NAT8L: variants seen among roughly 807,000 people sequenced by gnomAD.
The protein encoded by NAT8L is aspartate N-acetyltransferase, also known as N-acetylaspartate synthetase.
In NAT8L, 6 loss-of-function variants were observed where a neutral mutation model predicts 21.2. The ratio of observed to expected loss-of-function variants is 0.28; its 90% confidence interval spans 0.16 to 0.56. NAT8L has a LOEUF of 0.56. Among genes scored for constraint, NAT8L ranks in the 20% least tolerant of loss-of-function variants. The pLI is 0.93. For synonymous variants in NAT8L, 239 were observed against 204.9 expected (o/e 1.17, Z -1.42); for missense variants, 331 against 433.3 (o/e 0.76, Z 2.10).
In NAT8L at chr4:2,060,785, C is replaced by T. The variant is rs1332269134; in HGVS notation, c.377-213C>T. ...CGTGTTTGGAAGCTCAGAGACCCGC[C>T]GAGGCTCATTCCAGGCGGTGGGGGT... On this transcript the variant is annotated intron_variant, in intron 1 of 2. Coordinates refer to ENST00000423729, the MANE Select transcript of NAT8L (RefSeq NM_178557.4). The surrounding 1 kb of genome is among the most constrained non-coding windows in gnomAD (Gnocchi z 4.7). Among the ~76,000 whole-genome samples, 1 of 152,072 alleles carries T rather than the reference C, an allele frequency of 6.6e-6. No homozygotes were observed. The highest frequency in any genetic ancestry group is 1.5e-5 in the Non-Finnish European group (1 of 67,992).
rs1446464964 is a variant in NAT8L at position 2,065,665 on chromosome 4, T to G, written c.*1538T>G. The G allele has an allele frequency of 6.6e-6, 1 of 152,322 alleles. No individual in the cohort carries two copies. Among genetic ancestry groups the G allele is most frequent in the Non-Finnish European group, 1.5e-5 (1 of 68,102 alleles). 9.4% of individuals were successfully genotyped at this position (152,322 alleles called of 1,614,324 possible). On this transcript the variant is annotated 3_prime_UTR_variant, in exon 3 of 3. Coordinates refer to ENST00000423729, the MANE Select transcript of NAT8L (RefSeq NM_178557.4). ...GGAGGGATGCTTCTCACGAGGCGCT[T>G]CAGAAGCGAGCGAAGGGACAGAGAA...
Position 2,061,170 on chromosome 4 carries a change from C to T in NAT8L, c.541+8C>T, listed in dbSNP as rs200888256. On this transcript the variant is annotated splice_region_variant and intron_variant, in intron 2 of 2. Coordinates refer to ENST00000423729, the MANE Select transcript of NAT8L (RefSeq NM_178557.4). ...ACTACATGAAGCCGCCCGGTGAGTCCCGCTCCCGCCGCTCCCCGACCTCCG... is the reference window on the plus strand; with the variant it reads ...ACTACATGAAGCCGCCCGGTGAGTCTCGCTCCCGCCGCTCCCCGACCTCCG... 4.4e-4 allele frequency: 704 copies of T among 1,601,186 alleles called. 1 individual carries two copies. The African/African-American group carries it at 6.9e-3, about 16-fold the overall frequency.
chr4:2,061,643 A>G (rs985075214), intron 2 of NAT8L, among the ~76,000 whole-genome samples: 1 of 151,206 alleles, frequency 6.6e-6, no homozygotes, highest in Admixed American at 6.6e-5. Context: ...TGGGCCGCTT[A>G]GCTGAAGGGT....
Position 2,063,813 on chromosome 4 carries a change from G to A in NAT8L, c.595G>A (p.Ala199Thr). 1 of 1,612,286 alleles carries A rather than the reference G, an allele frequency of 6.2e-7. No individual in the cohort carries two copies. The highest frequency in any genetic ancestry group is 8.5e-7 in the Non-Finnish European group (1 of 1,179,968). ...TGGCAACGTGGTGGGCATTGTGGCTGCACGGGCCCACGAGGAGGACAACAC... is the reference window on the plus strand; with the variant it reads ...TGGCAACGTGGTGGGCATTGTGGCTACACGGGCCCACGAGGAGGACAACAC... Reference protein sequence around the residue: ...LDGNVVGIVAARAHEEDNTVE... With the variant: ...LDGNVVGIVATRAHEEDNTVE... The change falls in exon 3 of 3, where the codon GCA (alanine) becomes ACA (threonine). Residue 199 changes from alanine (A) to threonine (T), a missense_variant. Ala to Thr is a moderately conservative substitution (Grantham distance 58). Around this residue, in one of 2 missense-constraint regions of NAT8L, gnomAD observed 132 missense variants for 237.1 expected, o/e 0.56. Coordinates refer to ENST00000423729, the MANE Select transcript of NAT8L (RefSeq NM_178557.4).
rs1375347894 is a variant in NAT8L, at chr4:2,065,523, G to T, written c.*1396G>T. 1.3e-5 allele frequency: 2 copies of T among 152,256 alleles called. No homozygotes were observed. The highest frequency in any genetic ancestry group is 2.9e-5 in the Non-Finnish European group (2 of 68,094). The allele number at this position is 152,256 out of a possible 1,614,324, so 9.4% of individuals were successfully genotyped here. ...AGAAGTGGACCTGGCTTTGGTGGCAGGAGAAGAATAAACACTTGCCCAGAC... is the reference window on the plus strand; with the variant it reads ...AGAAGTGGACCTGGCTTTGGTGGCATGAGAAGAATAAACACTTGCCCAGAC... On this transcript the variant is annotated 3_prime_UTR_variant, in exon 3 of 3. Coordinates refer to ENST00000423729, the MANE Select transcript of NAT8L (RefSeq NM_178557.4).
chr4:2,067,148 C>G lies in NAT8L; in HGVS notation c.*3021C>G, dbSNP rs974689867. The G allele has an allele frequency of 6.6e-6, 1 of 152,360 alleles. No homozygotes were observed. The highest frequency in any genetic ancestry group is 2.4e-5 in the African/African-American group (1 of 41,456). The allele number at this position is 152,360 out of a possible 1,614,324, so 9.4% of individuals were successfully genotyped here. On this transcript the variant is annotated 3_prime_UTR_variant, in exon 3 of 3. Transcript: ENST00000423729. ...GTGCTGAAGCTGCCATGTGGTCTGG[C>G]CCCCAGAAGGGCTCCTGAGCGTAGG...
At chr4:2,062,021 T>G (rs1465087735) in intron 2 of NAT8L, among the ~76,000 whole-genome samples, 1 of 151,992 alleles carries the variant, frequency 6.6e-6, no homozygotes, top group Non-Finnish European at 1.5e-5. Flanking sequence ...AAACAGAGCA[T>G]CTGAGCAGCC....
rs957892590 is a variant in NAT8L, at chr4:2,064,529, C to T, written c.*402C>T. The T allele has an allele frequency of 6.4e-6, 1 of 155,524 alleles. No individual in the cohort carries two copies. The allele number at this position is 155,524 out of a possible 1,614,324, so 9.6% of individuals were successfully genotyped here. The stretch of plus-strand genomic sequence containing the variant: ...GGCCCCGCCTGCGGCCCCAGCGCCA[C>T]TGCCTGTGGAGGCCCCAGCTGGCCA... On this transcript the variant is annotated 3_prime_UTR_variant, in exon 3 of 3. Transcript: ENST00000423729.
intron 2 of NAT8L, among the ~76,000 whole-genome samples, chr4:2,062,745 G>A (rs532447784): frequency 9.7e-4 from 147 of 152,272 alleles, no homozygotes; most frequent in African/African-American, 3.4e-3. Context: ...GCTGTGCAGA[G>A]GGGCAATGGG....
Position 2,059,804 on chromosome 4 carries a change from G to A in NAT8L, c.293G>A (p.Gly98Asp). 7.2e-7 allele frequency: 1 copy of A among 1,390,974 alleles called. No homozygotes were observed. Among genetic ancestry groups the A allele is most frequent in the Non-Finnish European group, 9.4e-7 (1 of 1,063,162 alleles). 86.2% of individuals were successfully genotyped at this position (1,390,974 alleles called of 1,614,324 possible). ...QEAARRIFYDGIMERIPNTAF... is the reference protein window; with the variant it reads ...QEAARRIFYDDIMERIPNTAF... ...GCGGCGCGCCGCATCTTCTACGACG[G>A]CATCATGGAGCGCATCCCTAACACG... is the stretch of plus-strand genomic sequence containing the variant. The change falls in exon 1 of 3, where the codon GGC becomes GAC. Residue 98 changes from glycine to aspartate, a missense_variant. By Grantham distance (94) the Gly-to-Asp change is moderately conservative. Coordinates refer to ENST00000423729, the MANE Select transcript of NAT8L (RefSeq NM_178557.4). The surrounding 1 kb of genome is among the most constrained non-coding windows in gnomAD (Gnocchi z 4.8).
chr4:2,061,785 C>T (rs1189628207), intron 2 of NAT8L, among the ~76,000 whole-genome samples: 2 of 152,156 alleles, frequency 1.3e-5, no homozygotes, highest in Admixed American at 1.3e-4. Flanking sequence ...TGCCGGATGC[C>T]GCAGGGGTGA....
Position 2,068,613 on chromosome 4 carries a change from T to C in NAT8L, c.*4486T>C, listed in dbSNP as rs1473057019. 1 of 152,056 alleles carries C rather than the reference T, an allele frequency of 6.6e-6. No individual in the cohort carries two copies. The highest frequency in any genetic ancestry group is 1.5e-5 in the Non-Finnish European group (1 of 67,994). 9.4% of individuals were successfully genotyped at this position (152,056 alleles called of 1,614,324 possible). A position where few individuals can be genotyped will look rare whatever the true frequency, so the allele number is the denominator to read the frequency against. On this transcript the variant is annotated 3_prime_UTR_variant, in exon 3 of 3. Transcript: ENST00000423729. ...GCATATGTGAGCTGTACATGTAGAG[T>C]GTACATGTGTGTTGCATGAGCATGC...
Position 2,060,925 on chromosome 4 carries a change from G to A in NAT8L, c.377-73G>A. The stretch of plus-strand genomic sequence containing the variant: ...GCGGCCGGGCGCGGCGTCCCTAGCG[G>A]GCTTCGCCGGGGTGGCGTCTCTGGG... On this transcript the variant is annotated intron_variant, in intron 1 of 2. Transcript: ENST00000423729. The surrounding 1 kb of genome is among the most constrained non-coding windows in gnomAD (Gnocchi z 4.7). The A allele has an allele frequency of 1.3e-6, 1 of 793,406 alleles. No individual in the cohort carries two copies. The highest frequency in any genetic ancestry group is 1.9e-6 in the Non-Finnish European group (1 of 528,380). 49.1% of individuals were successfully genotyped at this position (793,406 alleles called of 1,614,324 possible). A position where few individuals can be genotyped will look rare whatever the true frequency, so the allele number is the denominator to read the frequency against.
At position 2,059,683 on chromosome 4, in the gene NAT8L, G is replaced by GC; in HGVS notation, c.176dup (p.Val60GlyfsTer46). The GC allele has an allele frequency of 9.8e-7, 1 of 1,019,070 alleles. No individual in the cohort carries two copies. Among genetic ancestry groups the GC allele is most frequent in the Non-Finnish European group, 1.2e-6 (1 of 852,846 alleles). 63.1% of individuals were successfully genotyped at this position (1,019,070 alleles called of 1,614,324 possible). ...CGCCGCGCCCCCCGCGCCCCCACCTGCCCCGGTGGCTCAGCCTCACGGCGG... is the reference window on the plus strand; with the variant it reads ...CGCCGCGCCCCCCGCGCCCCCACCTGCCCCCGGTGGCTCAGCCTCACGGCGG... On this transcript the variant is annotated frameshift_variant, in exon 1 of 3. Transcript: ENST00000423729. LOFTEE classifies it high-confidence loss of function. The surrounding 1 kb of genome is among the most constrained non-coding windows in gnomAD (Gnocchi z 4.8).
intron 2 of NAT8L, among the ~76,000 whole-genome samples, chr4:2,063,222 C>T (rs554482021): frequency 1.2e-4 from 18 of 152,398 alleles, no homozygotes; most frequent in Non-Finnish European, 1.8e-4. Flanking sequence ...CTGCCCTTTG[C>T]GGCCCTCTGC....
Position 2,066,462 on chromosome 4 carries a change from TG to T in NAT8L, c.*2336del, listed in dbSNP as rs1409471393. ...CTGGGGCGGAGCTGCCCGGAACCCT[TG>T]CCAGGCCAATGTGTAGCTTGGTGGC... On this transcript the variant is annotated 3_prime_UTR_variant, in exon 3 of 3. Coordinates refer to ENST00000423729, the MANE Select transcript of NAT8L (RefSeq NM_178557.4). 6.6e-6 allele frequency: 1 copy of T among 152,162 alleles called. No individual in the cohort carries two copies. The highest frequency in any genetic ancestry group is 1.5e-5 in the Non-Finnish European group (1 of 68,072). 9.4% of individuals were successfully genotyped at this position (152,162 alleles called of 1,614,324 possible).
In NAT8L at chr4:2,063,908, G is replaced by C. The variant is rs754982035; in HGVS notation, c.690G>C (p.Arg230=). 6.2e-7 allele frequency: 1 copy of C among 1,612,338 alleles called. No individual in the cohort carries two copies. The highest frequency in any genetic ancestry group is 8.5e-7 in the Non-Finnish European group (1 of 1,179,938). Residue 230 remains arginine (R), a synonymous_variant, in exon 3 of 3, where the codon CGG becomes CGC. Transcript: ENST00000423729. ...RGKGIAKALG[R]KVLEFAVVHN... ...AGGGCATCGCCAAGGCGCTGGGCCG[G>C]AAGGTGCTGGAGTTCGCCGTGGTGC...
chr4:2,064,252 A>T lies in NAT8L; in HGVS notation c.*125A>T. Reference sequence around the variant, plus strand: ...TTGTGTTGGGTTTCCCCTTTTCAACATCCTGCGGTTGTCTGGCTGGTTCCG... The same window carrying T: ...TTGTGTTGGGTTTCCCCTTTTCAACTTCCTGCGGTTGTCTGGCTGGTTCCG... On this transcript the variant is annotated 3_prime_UTR_variant, in exon 3 of 3. Transcript: ENST00000423729. The T allele has an allele frequency of 1.7e-6, 1 of 605,748 alleles. No individual in the cohort carries two copies. The highest frequency in any genetic ancestry group is 2.2e-6 in the Non-Finnish European group (1 of 447,772). 37.5% of individuals were successfully genotyped at this position (605,748 alleles called of 1,614,324 possible).
chr4:2,059,730 G>A lies in NAT8L; in HGVS notation c.219G>A (p.Pro73=), dbSNP rs1166284049. 6 of 1,160,630 alleles carry A rather than the reference G, an allele frequency of 5.2e-6. No homozygotes were observed. In the Admixed American group the frequency reaches 2.3e-4, roughly 45 times the overall value. 71.9% of individuals were successfully genotyped at this position (1,160,630 alleles called of 1,614,324 possible). Reference sequence around the variant, plus strand: ...GCGGGGCGGGGGGCGCGGGGCCGCCGGGGGGGCGCGGCGTGTGCATCCGCG... The same window carrying A: ...GCGGGGCGGGGGGCGCGGGGCCGCCAGGGGGGCGCGGCGTGTGCATCCGCG... The part of the protein sequence containing the change: ...PHGGAGGAGP[P]GGRGVCIREF... Residue 73 remains proline, a synonymous_variant, in exon 1 of 3, where the codon CCG becomes CCA. Coordinates refer to ENST00000423729, the MANE Select transcript of NAT8L (RefSeq NM_178557.4). The surrounding 1 kb of genome is among the most constrained non-coding windows in gnomAD (Gnocchi z 4.8).
Sources: gnomAD v4.1 joint callset for allele counts (sites outside exome capture counted in the v4.1 genomes callset) on GRCh38, gnomAD v4.1.1 for gene constraint, gnomAD v4.1.1 regional missense constraint, Gnocchi (gnomAD v3.1) non-coding constraint, MANE v1.5 for transcripts, NCBI Gene and HGNC (gene_info 2026-07-23, HGNC 2026-07-21) for gene names.